The following PHF21B variants were observed in gnomAD, a reference collection of about 807,000 sequenced individuals.
PHF21B encodes the protein PHD finger protein 21B, also known as PHD finger protein 4.
In PHF21B, 22 loss-of-function variants were observed where a neutral mutation model predicts 62.2. The ratio of observed to expected loss-of-function variants is 0.35; its 90% confidence interval spans 0.25 to 0.51. The LOEUF (loss-of-function observed/expected upper bound fraction) is 0.51. Among genes scored for constraint, PHF21B ranks in the 20% least tolerant of loss-of-function variants. PHF21B has a pLI of 0.97. For synonymous variants in PHF21B, 341 were observed against 314.7 expected (o/e 1.08, Z -0.88); for missense variants, 701 against 707.9 (o/e 0.99, Z 0.11).
intron 12 of PHF21B, among the ~76,000 whole-genome samples, chr22:44,885,186 T>C (rs2070833695): frequency 6.6e-6 from 1 of 152,228 alleles, no homozygotes; most frequent in Admixed American, 6.5e-5. Context: ...CCTGTGGTTC[T>C]AAGGACACAT....
rs138005191 is a variant in PHF21B, at chr22:44,928,466, A to G, written c.121-7976T>C. The stretch of plus-strand genomic sequence containing the variant: ...GCTCTGTCTCCCAGGCTGCAGTGCA[A>G]TAGCGTGATCTTGGCTCACTGCAAC... On this transcript the variant is annotated intron_variant, in intron 2 of 12. Transcript: ENST00000313237. Among the ~76,000 whole-genome samples, 1,473 of 152,228 alleles carry G rather than the reference A, an allele frequency of 9.7e-3. 27 individuals carry two copies. Among genetic ancestry groups the G allele is most frequent in the African/African-American group, 0.034 (1,395 of 41,532 alleles).
chr22:44,945,712 G>A (rs1328881981), intron 2 of PHF21B, among the ~76,000 whole-genome samples: 1 of 23,742 alleles, frequency 4.2e-5, no homozygotes, highest in Admixed American at 4.5e-4. Flanking sequence ...ACTGTTGGCA[G>A]AATTGGGGGG....
At chr22:45,004,276 T>A (rs1485020439) in intron 2 of PHF21B, among the ~76,000 whole-genome samples, 3 of 152,188 alleles carry the variant, frequency 2.0e-5, no homozygotes, top group African/African-American at 7.2e-5. Context: ...TGTTTTTAAG[T>A]AGACGCAGTG....
chr22:44,949,318 A>AAAAAAAAG (rs1569248314), intron 2 of PHF21B, among the ~76,000 whole-genome samples: 68 of 144,860 alleles, frequency 4.7e-4, no homozygotes, highest in African/African-American at 6.2e-4. Context: ...AAGAAAAAAA[A>AAAAAAAAG]AAAAAAAGAA....
intron 1 of PHF21B, 63 bp from the exon 2 acceptor site, chr22:45,008,673 G>T: frequency 7.6e-7 from 1 of 1,308,132 alleles, no homozygotes; most frequent in Non-Finnish European, 9.9e-7. Flanking sequence ...CCCCAGCACC[G>T]CGGGCCGCGG....
intron 2 of PHF21B, among the ~76,000 whole-genome samples, chr22:45,006,427 C>G (rs1382101625): frequency 6.6e-6 from 1 of 152,154 alleles, no homozygotes; most frequent in East Asian, 1.9e-4. Context: ...GCCTCCTTCC[C>G]GGAGTTCAAA....
chr22:45,008,951 C>T, intron 1 of PHF21B: 1 of 1,083,786 alleles, frequency 9.2e-7, no homozygotes, highest in Non-Finnish European at 1.1e-6. Flanking sequence ...GAACAAAGAG[C>T]CAAGTAAACA....
At chr22:44,886,392 C>A (rs1293482480) in intron 10 of PHF21B, among the ~76,000 whole-genome samples, 7 of 53,172 alleles carry the variant, frequency 1.3e-4, no homozygotes, top group African/African-American at 2.1e-4. Context: ...GAAGAAGAGG[C>A]AAAAAAAAAA....
At chr22:44,985,726 C>T (rs2072933428) in intron 2 of PHF21B, among the ~76,000 whole-genome samples, 1 of 152,170 alleles carries the variant, frequency 6.6e-6, no homozygotes, top group African/African-American at 2.4e-5. Flanking sequence ...ACATGGAAAA[C>T]ACTTTTACTC....
Position 44,907,451 on chromosome 22 carries a change from G to A in PHF21B, c.831+6371C>T, listed in dbSNP as rs189639750. Among the ~76,000 whole-genome samples the A allele has an allele frequency of 1.6e-3, 240 of 152,300 alleles. 1 individual carries two copies. Among genetic ancestry groups the A allele is most frequent in the African/African-American group, 5.5e-3 (228 of 41,560 alleles). Reference sequence around the variant, plus strand: ...GGTGAACAGGCCAGCCGTGTTCAGCGTCCCGCACGTGCCTGGTGCGGAGTG... The same window carrying A: ...GGTGAACAGGCCAGCCGTGTTCAGCATCCCGCACGTGCCTGGTGCGGAGTG... On this transcript the variant is annotated intron_variant, in intron 5 of 12. Coordinates refer to ENST00000313237, the MANE Select transcript of PHF21B (RefSeq NM_138415.5).
At chr22:44,962,957 G>A (rs1052860681) in intron 2 of PHF21B, among the ~76,000 whole-genome samples, 7 of 152,192 alleles carry the variant, frequency 4.6e-5, no homozygotes, top group African/African-American at 1.7e-4. Context: ...ATCATGACTC[G>A]TTCTACCTTT....
chr22:45,007,809 G>A (rs2073352740), intron 2 of PHF21B, among the ~76,000 whole-genome samples: 1 of 151,226 alleles, frequency 6.6e-6, no homozygotes, highest in South Asian at 2.1e-4. Flanking sequence ...GGCCGGCCGG[G>A]CTCTGGCGGC....
intron 5 of PHF21B, among the ~76,000 whole-genome samples, chr22:44,899,552 A>C (rs1016346841): frequency 2.6e-5 from 4 of 151,906 alleles, no homozygotes; most frequent in African/African-American, 9.7e-5. Context: ...CGCCTCCCAA[A>C]GTGCTGGGAT....
chr22:44,947,546 G>C (rs763685656), intron 2 of PHF21B, among the ~76,000 whole-genome samples: 3 of 152,180 alleles, frequency 2.0e-5, no homozygotes, highest in African/African-American at 7.2e-5. Context: ...GCATCTCCTG[G>C]GACAGGCTGG....
At chr22:44,984,532 G>C (rs1601679262) in intron 2 of PHF21B, among the ~76,000 whole-genome samples, 1 of 152,202 alleles carries the variant, frequency 6.6e-6, no homozygotes, top group African/African-American at 2.4e-5. Flanking sequence ...CGGGGATTCA[G>C]GTGCAGTCAA....
chr22:44,935,536 C>T (rs1415684068), intron 2 of PHF21B, among the ~76,000 whole-genome samples: 2 of 152,062 alleles, frequency 1.3e-5, no homozygotes, highest in African/African-American at 2.4e-5. Context: ...ATGGCGTGAA[C>T]CCGGGAGGTG....
At chr22:44,974,547 C>T (rs963400747) in intron 2 of PHF21B, among the ~76,000 whole-genome samples, 1 of 152,188 alleles carries the variant, frequency 6.6e-6, no homozygotes, top group African/African-American at 2.4e-5. Context: ...CAAAGTCCTA[C>T]ATCCGTGCAG....
Position 44,921,368 on chromosome 22 carries a change from T to C in PHF21B, c.121-878A>G, listed in dbSNP as rs754006959. Among the ~76,000 whole-genome samples the C allele has an allele frequency of 9.4e-3, 1,294 of 138,218 alleles. 7 individuals are homozygous for C. The highest frequency in any genetic ancestry group is 0.013 in the Admixed American group (179 of 14,102). 90.7% of individuals were successfully genotyped at this position (138,218 alleles called of 152,430 possible). A position where few individuals can be genotyped will look rare whatever the true frequency, so the allele number is the denominator to read the frequency against. ...TGGAACCGGAACAGTTCTTTTTTTT[T>C]TTCTTTTTTTTTTTCTTGAGACGGA... On this transcript the variant is annotated intron_variant, in intron 2 of 12. Coordinates refer to ENST00000313237, the MANE Select transcript of PHF21B (RefSeq NM_138415.5).
chr22:44,940,736 AC>A (rs1439683042), intron 2 of PHF21B, among the ~76,000 whole-genome samples: 6 of 152,114 alleles, frequency 3.9e-5, no homozygotes, highest in Non-Finnish European at 7.4e-5. Flanking sequence ...AGGCAGACTA[AC>A]CCCAACAGCT....
Sources: allele counts gnomAD v4.1 joint callset (sites outside exome capture counted in the v4.1 genomes callset), GRCh38; gene constraint gnomAD v4.1.1; transcripts MANE v1.5; gene names NCBI Gene and HGNC (gene_info 2026-07-23, HGNC 2026-07-21).